NPBWR2: variants seen among roughly 807,000 people sequenced by gnomAD.
The protein encoded by NPBWR2 is neuropeptides B and W receptor 2, also known as neuropeptides B/W receptor type 2.
For synonymous variants in NPBWR2, 207 were observed against 223.5 expected, an observed-to-expected ratio of 0.93 and a Z score of 0.66; for missense variants, 390 against 458.2, an observed-to-expected ratio of 0.85 and a Z score of 1.36.
chr20:64,105,682 T>TGATG lies in NPBWR2; in HGVS notation c.*147_*148insCATC, dbSNP rs1346385683. 5.7e-5 allele frequency: 20 copies of TGATG among 351,158 alleles called. No homozygotes were observed. Among genetic ancestry groups the TGATG allele is most frequent in the African/African-American group, 4.4e-4 (9 of 20,654 alleles). 21.8% of individuals were successfully genotyped at this position (351,158 alleles called of 1,614,324 possible). ...GTGGGCATGATGATGGGCGTGATGA[T>TGATG]GGGGGTGGTGGTGGGGGTGATGGTG... On this transcript the variant is annotated 3_prime_UTR_variant, in exon 2 of 2. Coordinates refer to ENST00000684052, the MANE Select transcript of NPBWR2 (RefSeq NM_005286.4).
rs1190592017 is a variant in NPBWR2 at position 64,107,356 on chromosome 20, C to G, written c.-92+8G>C. ...CCTGCTGGTCCAGCTACTCTTCTCT[C>G]CACTGACCTGTCCAGTGCTTCGAGT... On this transcript the variant is annotated splice_region_variant and intron_variant, in intron 1 of 1. Transcript: ENST00000684052. This position sits in a 1 kb window ranked among gnomAD's most constrained non-coding sequence, Gnocchi z 6.3. Among the ~76,000 whole-genome samples, 1 of 152,214 alleles carries G rather than the reference C, an allele frequency of 6.6e-6. No homozygotes were observed. The highest frequency in any genetic ancestry group is 1.5e-5 in the Non-Finnish European group (1 of 68,036).
Position 64,106,153 on chromosome 20 carries a change from T to A in NPBWR2, c.679A>T (p.Thr227Ser). 1 of 1,612,224 alleles carries A rather than the reference T, an allele frequency of 6.2e-7. No homozygotes were observed. Among genetic ancestry groups the A allele is most frequent in the Non-Finnish European group, 8.5e-7 (1 of 1,179,746 alleles). The change falls in exon 2 of 2, where the codon ACC (threonine) becomes TCC (serine). Residue 227 changes from threonine (T) to serine (S), a missense_variant. By Grantham distance (58) the Thr-to-Ser change is moderately conservative. Transcript: ENST00000684052. The surrounding 1 kb of genome is among the most constrained non-coding windows in gnomAD (Gnocchi z 9.5). ...LVLGFVLPVC[T>S]ICVLYTDLLR... ...AGGTCTGTGTAGAGCACACAGATGGTGCACACGGGCAGCACGAAGCCCAGG... is the reference window on the plus strand; with the variant it reads ...AGGTCTGTGTAGAGCACACAGATGGAGCACACGGGCAGCACGAAGCCCAGG...
rs538802406 is a variant in NPBWR2, at chr20:64,107,405, G to A, written c.-133C>T. 6.6e-6 allele frequency among the ~76,000 whole-genome samples: 1 copy of A among 152,326 alleles called. No homozygotes were observed. Among genetic ancestry groups the A allele is most frequent in the East Asian group, 1.9e-4 (1 of 5,190 alleles). On this transcript the variant is annotated 5_prime_UTR_variant, in exon 1 of 2. Coordinates refer to ENST00000684052, the MANE Select transcript of NPBWR2 (RefSeq NM_005286.4). This position sits in a 1 kb window ranked among gnomAD's most constrained non-coding sequence, Gnocchi z 6.3. Reference sequence around the variant, plus strand: ...GTCCAGAAGTTGGTAGCCTTGGTGTGTTCCTGGTTTTGGCCAGTACAGGCA... The same window carrying A: ...GTCCAGAAGTTGGTAGCCTTGGTGTATTCCTGGTTTTGGCCAGTACAGGCA...
In NPBWR2 at chr20:64,105,590, G is replaced by GGTGATGGTGGGC. The variant is rs1979948990; in HGVS notation, c.*228_*239dup. On this transcript the variant is annotated 3_prime_UTR_variant, in exon 2 of 2. Coordinates refer to ENST00000684052, the MANE Select transcript of NPBWR2 (RefSeq NM_005286.4). ...TGATGGGGGTGGGGGTGGGGGTGGG[G>GGTGATGGTGGGC]GTGATGGTGGGCGTGATGGTGGGGG... Among the ~76,000 whole-genome samples, 1 of 5,014 alleles carries GGTGATGGTGGGC rather than the reference G, an allele frequency of 2.0e-4. No homozygotes were observed. The highest frequency in any genetic ancestry group is 8.1e-4 in the African/African-American group (1 of 1,234). The allele number at this position is 5,014 out of a possible 152,430, so 3.3% of individuals were successfully genotyped here.
rs182068799 is a variant in NPBWR2 at position 64,105,534 on chromosome 20, A to G, written c.*296T>C. 6.7e-5 allele frequency among the ~76,000 whole-genome samples: 1 copy of G among 14,816 alleles called. No individual in the cohort carries two copies. The highest frequency in any genetic ancestry group is 1.3e-4 in the Non-Finnish European group (1 of 7,968). The allele number at this position is 14,816 out of a possible 152,430, so 9.7% of individuals were successfully genotyped here. A position where few individuals can be genotyped will look rare whatever the true frequency, so the allele number is the denominator to read the frequency against. ...GGGGGTGGGCGTGATGATGGGGGTG[A>G]TGGTGGGGGTGGTGGGGGGGGTGGG... On this transcript the variant is annotated 3_prime_UTR_variant, in exon 2 of 2. Transcript: ENST00000684052.
chr20:64,104,312 A>G lies in NPBWR2; in HGVS notation c.*1518T>C, dbSNP rs1014526780. Among the ~76,000 whole-genome samples the G allele has an allele frequency of 6.6e-6, 1 of 152,156 alleles. No individual in the cohort carries two copies. The highest frequency in any genetic ancestry group is 2.4e-5 in the African/African-American group (1 of 41,422). ...GCTGGCTGATTACAAGCCCCTGGCC[A>G]CACCCCGGGAGAGAGAGTTCCAGGT... On this transcript the variant is annotated 3_prime_UTR_variant, in exon 2 of 2. Transcript: ENST00000684052.
rs780252167 is a variant in NPBWR2, at chr20:64,106,499, G to A, written c.333C>T (p.Pro111=). 27 of 1,612,544 alleles carry A rather than the reference G, an allele frequency of 1.7e-5. No individual in the cohort carries two copies. The highest frequency in any genetic ancestry group is 2.2e-5 in the Non-Finnish European group (26 of 1,180,024). Residue 111 remains proline (P), a synonymous_variant, in exon 2 of 2, where the codon CCC becomes CCT. Transcript: ENST00000684052. The surrounding 1 kb of genome is among the most constrained non-coding windows in gnomAD (Gnocchi z 9.5). ...NIAEHLLQYW[P]FGELLCKLVL... is the part of the protein sequence containing the mutation. ...CCAGCTTGCAGAGCAGCTCCCCGAA[G>A]GGCCAGTACTGCAGCAGGTGCTCCG...
Position 64,106,918 on chromosome 20 carries a change from G to A in NPBWR2, c.-87C>T. 1 of 1,471,636 alleles carries A rather than the reference G, an allele frequency of 6.8e-7. No homozygotes were observed. The highest frequency in any genetic ancestry group is 9.2e-7 in the Non-Finnish European group (1 of 1,089,494). The allele number at this position is 1,471,636 out of a possible 1,614,324, so 91.2% of individuals were successfully genotyped here. On this transcript the variant is annotated 5_prime_UTR_variant, in exon 2 of 2. Coordinates refer to ENST00000684052, the MANE Select transcript of NPBWR2 (RefSeq NM_005286.4). This position sits in a 1 kb window ranked among gnomAD's most constrained non-coding sequence, Gnocchi z 9.5. ...ATCTGGTTGGGGGCCTCCTTGGGCTGGATTCTAGGAAAGAAAAACAACCAG... is the reference window on the plus strand; with the variant it reads ...ATCTGGTTGGGGGCCTCCTTGGGCTAGATTCTAGGAAAGAAAAACAACCAG...
rs1195525890 is a variant in NPBWR2 at position 64,105,733 on chromosome 20, G to A, written c.*97C>T. 36 of 728,130 alleles carry A rather than the reference G, an allele frequency of 4.9e-5. No individual in the cohort carries two copies. The highest frequency in any genetic ancestry group is 6.0e-5 in the Non-Finnish European group (30 of 502,540). 45.1% of individuals were successfully genotyped at this position (728,130 alleles called of 1,614,324 possible). A position where few individuals can be genotyped will look rare whatever the true frequency, so the allele number is the denominator to read the frequency against. On this transcript the variant is annotated 3_prime_UTR_variant, in exon 2 of 2. Coordinates refer to ENST00000684052, the MANE Select transcript of NPBWR2 (RefSeq NM_005286.4). ...GGGGTGGTGGTGGGGGTGGGGGGGG[G>A]TGGGCCTGATGGGGGTGTGGGCATG...
At position 64,105,132 on chromosome 20, in the gene NPBWR2, C is replaced by T. The variant is rs570126688; in HGVS notation, c.*698G>A. Among the ~76,000 whole-genome samples the T allele has an allele frequency of 1.3e-5, 2 of 152,234 alleles. No individual in the cohort carries two copies. The highest frequency in any genetic ancestry group is 4.8e-5 in the African/African-American group (2 of 41,540). On this transcript the variant is annotated 3_prime_UTR_variant, in exon 2 of 2. Coordinates refer to ENST00000684052, the MANE Select transcript of NPBWR2 (RefSeq NM_005286.4). ...TGCCTGAGGTGCCCGCACTTACCAC[C>T]CCCCGGCCCCATCTTGGGGAGAGAC... is the stretch of plus-strand genomic sequence containing the variant.
At position 64,106,787 on chromosome 20, in the gene NPBWR2, G is replaced by T; in HGVS notation, c.45C>A (p.Ser15=). Residue 15 remains serine, a synonymous_variant, in exon 2 of 2, where the codon TCC becomes TCA. Coordinates refer to ENST00000684052, the MANE Select transcript of NPBWR2 (RefSeq NM_005286.4). The surrounding 1 kb of genome is among the most constrained non-coding windows in gnomAD (Gnocchi z 9.5). ...TGGCACCCATCGTGGGGAGGGAGAA[G>T]GAGCCCCTGCTGTCAAGGGGCTCTG... ...GHPEPLDSRG[S]FSLPTMGANV... The T allele has an allele frequency of 6.2e-7, 1 of 1,612,544 alleles. No homozygotes were observed. The highest frequency in any genetic ancestry group is 2.2e-5 in the East Asian group (1 of 44,870).
chr20:64,105,848 G>A lies in NPBWR2; in HGVS notation c.984C>T (p.Arg328=), dbSNP rs1569285850. Residue 328 remains arginine, a synonymous_variant, in exon 2 of 2, where the codon CGC becomes CGT. Transcript: ENST00000684052. The part of the protein sequence containing the change: ...FLDDNFRKNF[R]SILRC ...AGGCCCTTCAGCACCGCAATATGCT[G>A]CGGAAGTTCTTCCGGAAGTTGTCAT... The A allele has an allele frequency of 6.2e-7, 1 of 1,606,136 alleles. No individual in the cohort carries two copies. The highest frequency in any genetic ancestry group is 1.7e-5 in the Admixed American group (1 of 59,794).
Position 64,106,473 on chromosome 20 carries a change from A to G in NPBWR2, c.359T>C (p.Val120Ala), listed in dbSNP as rs1414852537. Reference sequence around the variant, plus strand: ...GATGTTGTAGTGGTCGACGGCCAGCACCAGCTTGCAGAGCAGCTCCCCGAA... The same window carrying G: ...GATGTTGTAGTGGTCGACGGCCAGCGCCAGCTTGCAGAGCAGCTCCCCGAA... ...WPFGELLCKL[V>A]LAVDHYNIFS... The change falls in exon 2 of 2, where the codon GTG (valine) becomes GCG (alanine). Residue 120 changes from valine (V) to alanine (A), a missense_variant. Physicochemically the swap from Val to Ala is moderately conservative, Grantham distance 64. Transcript: ENST00000684052. This position sits in a 1 kb window ranked among gnomAD's most constrained non-coding sequence, Gnocchi z 9.5. 6.2e-7 allele frequency: 1 copy of G among 1,612,720 alleles called. No homozygotes were observed. Among genetic ancestry groups the G allele is most frequent in the Non-Finnish European group, 8.5e-7 (1 of 1,180,010 alleles).
rs1321198476 is a variant in NPBWR2, at chr20:64,106,391, C to T, written c.441G>A (p.Leu147=). 2 of 1,612,586 alleles carry T rather than the reference C, an allele frequency of 1.2e-6. No individual in the cohort carries two copies. The highest frequency in any genetic ancestry group is 1.7e-6 in the Non-Finnish European group (2 of 1,180,008). The part of the protein sequence containing the change: ...VMSVDRYLVV[L]ATVRSRHMPW... Reference sequence around the variant, plus strand: ...GCATGTGGCGGGACCTCACGGTGGCCAGCACCACCAGGTATCGGTCCACGC... The same window carrying T: ...GCATGTGGCGGGACCTCACGGTGGCTAGCACCACCAGGTATCGGTCCACGC... Residue 147 remains leucine (L), a synonymous_variant, in exon 2 of 2, where the codon CTG becomes CTA. Coordinates refer to ENST00000684052, the MANE Select transcript of NPBWR2 (RefSeq NM_005286.4). This position sits in a 1 kb window ranked among gnomAD's most constrained non-coding sequence, Gnocchi z 9.5.
In NPBWR2 at chr20:64,106,872, G is replaced by C. The variant is rs896125771; in HGVS notation, c.-41C>G. 6.3e-7 allele frequency: 1 copy of C among 1,584,808 alleles called. No homozygotes were observed. ...TGACGATTTGCGCCCTGGGCAGGTG[G>C]GAGGTGCCTTGGAGTTGGGTATCTG... On this transcript the variant is annotated 5_prime_UTR_variant, in exon 2 of 2. Coordinates refer to ENST00000684052, the MANE Select transcript of NPBWR2 (RefSeq NM_005286.4). This position sits in a 1 kb window ranked among gnomAD's most constrained non-coding sequence, Gnocchi z 9.5.
Position 64,104,190 on chromosome 20 carries a change from T to C in NPBWR2, c.*1640A>G, listed in dbSNP as rs114534585. 0.01 allele frequency among the ~76,000 whole-genome samples: 1,542 copies of C among 152,222 alleles called. 40 individuals are homozygous for C. Among genetic ancestry groups the C allele is most frequent in the South Asian group, 0.072 (348 of 4,824 alleles). ...CCACAGCACACCTGGGACCAACCCC[T>C]GGCCCCTCCCACCTGACAGTCAGCG... is the stretch of plus-strand genomic sequence containing the variant. On this transcript the variant is annotated 3_prime_UTR_variant, in exon 2 of 2. Transcript: ENST00000684052.
In NPBWR2 at chr20:64,104,447, G is replaced by C. The variant is rs1414726171; in HGVS notation, c.*1383C>G. Among the ~76,000 whole-genome samples, 3 of 152,026 alleles carry C rather than the reference G, an allele frequency of 2.0e-5. No homozygotes were observed. Among genetic ancestry groups the C allele is most frequent in the Non-Finnish European group, 4.4e-5 (3 of 67,996 alleles). On this transcript the variant is annotated 3_prime_UTR_variant, in exon 2 of 2. Coordinates refer to ENST00000684052, the MANE Select transcript of NPBWR2 (RefSeq NM_005286.4). Reference sequence around the variant, plus strand: ...TATGAGAGGAGCATCGGCCACAGCAGGGGTGTACAGGCCATGGCGAGGACC... The same window carrying C: ...TATGAGAGGAGCATCGGCCACAGCACGGGTGTACAGGCCATGGCGAGGACC...
rs373112251 is a variant in NPBWR2 at position 64,106,055 on chromosome 20, G to A, written c.777C>T (p.Thr259=). Residue 259 remains threonine (T), a synonymous_variant, in exon 2 of 2, where the codon ACC becomes ACT. Coordinates refer to ENST00000684052, the MANE Select transcript of NPBWR2 (RefSeq NM_005286.4). The surrounding 1 kb of genome is among the most constrained non-coding windows in gnomAD (Gnocchi z 9.5). ...CGGCCAGCACGACGAGGACCAGGAC[G>A]GTCACCTTCCGCCTGGCCTTGCCTA... The part of the protein sequence containing the change: ...KALGKARRKV[T]VLVLVVLAVC... 5.9e-5 allele frequency: 95 copies of A among 1,610,356 alleles called. No homozygotes were observed. The highest frequency in any genetic ancestry group is 1.6e-4 in the Middle Eastern group (1 of 6,080).
In NPBWR2 at chr20:64,106,636, C is replaced by T. The variant is rs536291493; in HGVS notation, c.196G>A (p.Val66Ile). Residue 66 changes from valine to isoleucine, a missense_variant, in exon 2 of 2, where the codon GTC becomes ATC. Coordinates refer to ENST00000684052, the MANE Select transcript of NPBWR2 (RefSeq NM_005286.4). This position sits in a 1 kb window ranked among gnomAD's most constrained non-coding sequence, Gnocchi z 9.5. ...CAVGLTGNTA[V>I]ILVILRAPKM... ...GGCGCCCTTAGGATTACAAGGATGA[C>T]GGCCGTGTTGCCAGTCAGCCCCACA... The T allele has an allele frequency of 1.6e-5, 25 of 1,612,468 alleles. No individual in the cohort carries two copies. The highest frequency in any genetic ancestry group is 3.3e-4 in the Middle Eastern group (2 of 6,062).
Sources: allele counts gnomAD v4.1 joint callset (sites outside exome capture counted in the v4.1 genomes callset), GRCh38; gene constraint gnomAD v4.1.1; non-coding constraint Gnocchi (gnomAD v3.1); transcripts MANE v1.5; gene names NCBI Gene and HGNC (gene_info 2026-07-23, HGNC 2026-07-21).